Variants in TBC1D5 observed in about 807,000 individuals in gnomAD.
The protein encoded by TBC1D5 is TBC1 domain family, member 5.
TBC1D5 carries 75 observed loss-of-function variants against 100.3 expected under a neutral mutation model. The ratio of observed to expected loss-of-function variants is 0.75; its 90% confidence interval spans 0.62 to 0.91. The LOEUF is 0.91. Among genes scored for constraint, TBC1D5 ranks in the 40% least tolerant of loss-of-function variants. The pLI, the probability that TBC1D5 is intolerant of heterozygous loss-of-function variation, is 0.00. For missense variants in TBC1D5, 910 were observed against 942.4 expected (o/e 0.97, Z 0.45); for synonymous variants, 323 against 325.6 (o/e 0.99, Z 0.09).
At chr3:17,554,231 G>A (rs1291166496) in intron 2 of TBC1D5, among the ~76,000 whole-genome samples, 5 of 152,158 alleles carry the variant, frequency 3.3e-5, no homozygotes, top group East Asian at 1.9e-4. Flanking sequence ...AGCCATTAAC[G>A]AAGCCCATTA....
chr3:17,330,519 C>T (rs188492552), intron 13 of TBC1D5, among the ~76,000 whole-genome samples: 1 of 152,096 alleles, frequency 6.6e-6, no homozygotes, highest in Non-Finnish European at 1.5e-5. Context: ...CATTTCCCAC[C>T]ATCATTCTCA....
chr3:17,705,281 G>T (rs1231866012), intron 1 of TBC1D5, among the ~76,000 whole-genome samples: 3 of 101,272 alleles, frequency 3.0e-5, no homozygotes, highest in Non-Finnish European at 4.2e-5. Flanking sequence ...CGGCACGGCT[G>T]GCCAGGCGGG....
intron 2 of TBC1D5, among the ~76,000 whole-genome samples, chr3:17,574,613 T>C (rs2096646468): frequency 6.6e-6 from 1 of 152,102 alleles, no homozygotes; most frequent in African/African-American, 2.4e-5. Flanking sequence ...TCTCTAAGCA[T>C]CTTATAATAC....
intron 1 of TBC1D5, among the ~76,000 whole-genome samples, chr3:17,733,891 C>T (rs2076759407): frequency 6.6e-6 from 1 of 151,950 alleles, no homozygotes. Flanking sequence ...ACAATAAATA[C>T]ACAAAAGAAG....
exon 22 of TBC1D5, chr3:17,157,647 TG>T (rs1238245598): frequency 6.6e-6 from 1 of 152,266 alleles, no homozygotes; most frequent in African/African-American, 2.4e-5. Flanking sequence ...CCACTCTATG[TG>T]GGGACCTAAG....
chr3:17,591,257 A>AAAAATAAAAAAAAAT (rs2096768644), intron 2 of TBC1D5, among the ~76,000 whole-genome samples: 2 of 121,424 alleles, frequency 1.6e-5, no homozygotes, highest in Non-Finnish European at 3.5e-5. Flanking sequence ...AAAAAAAAAA[A>AAAAATAAAAAAAAAT]AAAAAAAAAC....
chr3:17,627,828 A>G (rs942059756), intron 1 of TBC1D5, among the ~76,000 whole-genome samples: 1 of 152,174 alleles, frequency 6.6e-6, no homozygotes, highest in African/African-American at 2.4e-5. Context: ...TCCTGAGTCC[A>G]TACAGCATGC....
intron 2 of TBC1D5, among the ~76,000 whole-genome samples, chr3:17,529,968 G>A (rs1036821943): frequency 6.6e-6 from 1 of 152,118 alleles, no homozygotes; most frequent in Non-Finnish European, 1.5e-5. Context: ...AACAGCCTGG[G>A]CACGGTGCCT....
intron 3 of TBC1D5, among the ~76,000 whole-genome samples, chr3:17,471,628 G>A (rs373467205): frequency 9.2e-6 from 1 of 108,994 alleles, no homozygotes; most frequent in Non-Finnish European, 1.6e-5. Flanking sequence ...CCGAGATTGC[G>A]CCACTGCACT....
intron 13 of TBC1D5, among the ~76,000 whole-genome samples, chr3:17,362,448 C>T (rs1367289858): frequency 1.3e-5 from 2 of 149,698 alleles, no homozygotes; most frequent in Non-Finnish European, 3.0e-5. Flanking sequence ...CCAATTTATT[C>T]AAAAAGGGCA....
chr3:17,290,245 T>G lies in TBC1D5; in HGVS notation c.1245+1650A>C, dbSNP rs538714354. ...AATCTATATTTTAATGCTTATAGAA[T>G]TTGCTTCATTATATGTACACGACTT... On this transcript the variant is annotated intron_variant, in intron 15 of 21. Transcript: ENST00000253692. Among the ~76,000 whole-genome samples, 33 of 152,318 alleles carry G rather than the reference T, an allele frequency of 2.2e-4. 2 individuals are homozygous for G. The highest frequency in any genetic ancestry group is 9.1e-4 in the Admixed American group (14 of 15,306).
At chr3:17,676,222 T>C (rs2068612074) in intron 1 of TBC1D5, among the ~76,000 whole-genome samples, 1 of 152,190 alleles carries the variant, frequency 6.6e-6, no homozygotes, top group South Asian at 2.1e-4. Context: ...TCTGACTAAA[T>C]TGTACTGTTG....
chr3:17,262,716 C>G (rs1341246422), intron 15 of TBC1D5, among the ~76,000 whole-genome samples: 1 of 151,948 alleles, frequency 6.6e-6, no homozygotes, highest in African/African-American at 2.4e-5. Flanking sequence ...CTCCTGACCT[C>G]ATGATCCACC....
chr3:17,638,221 T>TA (rs911506531), intron 1 of TBC1D5, among the ~76,000 whole-genome samples: 2 of 152,166 alleles, frequency 1.3e-5, no homozygotes, highest in African/African-American at 4.8e-5. Flanking sequence ...TTGATTATAG[T>TA]ATATACAGAG....
rs989416302 is a variant in TBC1D5, at chr3:17,448,803, T to C, written c.98-20284A>G. Among the ~76,000 whole-genome samples the C allele has an allele frequency of 8.2e-4, 124 of 152,110 alleles. 10 individuals are homozygous for C. Among genetic ancestry groups the C allele is most frequent in the African/African-American group, 7.2e-5 (3 of 41,420 alleles). On this transcript the variant is annotated intron_variant, in intron 3 of 21. Transcript: ENST00000253692. Reference sequence around the variant, plus strand: ...AGATTTAATTAACTCTTAAGGGCCCTAGGATCCTCAAAATTGTTAATGAAC... The same window carrying C: ...AGATTTAATTAACTCTTAAGGGCCCCAGGATCCTCAAAATTGTTAATGAAC...
intron 8 of TBC1D5, among the ~76,000 whole-genome samples, chr3:17,389,613 G>A (rs779921716): frequency 6.6e-6 from 1 of 152,094 alleles, no homozygotes; most frequent in Non-Finnish European, 1.5e-5. Context: ...ACAGGTGAAT[G>A]AGCAAACCTT....
chr3:17,532,163 A>T (rs1237979442), intron 2 of TBC1D5, among the ~76,000 whole-genome samples: 2 of 152,210 alleles, frequency 1.3e-5, no homozygotes, highest in Admixed American at 1.3e-4. Flanking sequence ...ACCCCATCAA[A>T]AAGTGGGCAA....
chr3:17,448,934 A>G (rs1458073734), intron 3 of TBC1D5, among the ~76,000 whole-genome samples: 2 of 152,240 alleles, frequency 1.3e-5, no homozygotes, highest in African/African-American at 4.8e-5. Flanking sequence ...TTTAGCTATA[A>G]AAGTCCTTAT....
intron 3 of TBC1D5, among the ~76,000 whole-genome samples, chr3:17,431,619 C>G (rs942788972): frequency 6.6e-6 from 1 of 151,936 alleles, no homozygotes; most frequent in Non-Finnish European, 1.5e-5. Flanking sequence ...ATTCATTTCT[C>G]ATTAATTGGT....
Sources: allele counts gnomAD v4.1 joint callset (sites outside exome capture counted in the v4.1 genomes callset), GRCh38; gene constraint gnomAD v4.1.1; transcripts MANE v1.5; gene names NCBI Gene and HGNC (gene_info 2026-07-23, HGNC 2026-07-21).